The following DLG2 variants were observed in gnomAD, a reference collection of about 807,000 sequenced individuals.
The protein encoded by DLG2 is disks large homolog 2.
DLG2 carries 45 observed loss-of-function variants against 132.5 expected under a neutral mutation model. The ratio of observed to expected loss-of-function variants is 0.34; its 90% CI spans 0.27 to 0.44. The LOEUF is 0.44. Among genes scored for constraint, DLG2 ranks in the 20% least tolerant of loss-of-function variants. The pLI is 1.00. For missense variants in DLG2, 1,045 were observed against 1,196.9 expected (o/e 0.87, Z 1.87); for synonymous variants, 424 against 419.6 (o/e 1.01, Z -0.13).
intron 3 of DLG2, among the ~76,000 whole-genome samples, chr11:85,539,558 T>G (rs919269935): frequency 6.6e-6 from 1 of 152,152 alleles, no homozygotes; most frequent in Admixed American, 6.6e-5. Context: ...TATGGAAATA[T>G]TCTGGAGCTA....
intron 18 of DLG2, among the ~76,000 whole-genome samples, chr11:83,650,983 G>T (rs946131599): frequency 2.6e-5 from 4 of 152,120 alleles, no homozygotes; most frequent in Admixed American, 2.6e-4. Context: ...TCTTTTAAAT[G>T]AAATTAATCA....
chr11:84,653,147 C>G (rs535781982), intron 6 of DLG2, among the ~76,000 whole-genome samples: 13 of 152,166 alleles, frequency 8.5e-5, no homozygotes, highest in African/African-American at 3.1e-4. Flanking sequence ...CCAGACTGGT[C>G]TCCCACTCCT....
In DLG2 at chr11:83,974,638, AC is replaced by A. The variant is rs1488352759; in HGVS notation, c.1056+5867del. Among the ~76,000 whole-genome samples the A allele has an allele frequency of 2.3e-3, 3 of 1,322 alleles. No homozygotes were observed. In the East Asian group the frequency reaches 0.25, roughly 110 times the overall value. The allele number at this position is 1,322 out of a possible 152,430, so 0.9% of individuals were successfully genotyped here. A position where few individuals can be genotyped will look rare whatever the true frequency, so the allele number is the denominator to read the frequency against. ...CAGAATTTAGCAAACGTATTTGGTC[AC>A]AGAGTCTATTCACGTGACACAGAAA... On this transcript the variant is annotated intron_variant, in intron 12 of 27. Transcript: ENST00000376104.
At chr11:85,427,719 T>C (rs2090868965) in intron 3 of DLG2, among the ~76,000 whole-genome samples, 1 of 152,176 alleles carries the variant, frequency 6.6e-6, no homozygotes, top group Non-Finnish European at 1.5e-5. Flanking sequence ...CTGCATCAAC[T>C]AATGAGCAAA....
intron 3 of DLG2, among the ~76,000 whole-genome samples, chr11:85,483,930 T>G (rs2093359964): frequency 6.6e-6 from 1 of 151,444 alleles, no homozygotes; most frequent in Middle Eastern, 3.4e-3. Flanking sequence ...GCTACAATAC[T>G]TTATTAAGGT....
At chr11:84,325,133 T>A (rs2098424096) in intron 7 of DLG2, among the ~76,000 whole-genome samples, 1 of 152,228 alleles carries the variant, frequency 6.6e-6, no homozygotes, top group South Asian at 2.1e-4. Flanking sequence ...TTGAGTATGG[T>A]GTTTAGCTTA....
intron 7 of DLG2, among the ~76,000 whole-genome samples, chr11:84,350,629 T>C (rs2098560067): frequency 6.6e-6 from 1 of 152,216 alleles, no homozygotes; most frequent in African/African-American, 2.4e-5. Context: ...AGCATATAGT[T>C]ATACAGTTAG....
chr11:85,538,332 A>G (rs2075740177), intron 3 of DLG2, among the ~76,000 whole-genome samples: 1 of 151,848 alleles, frequency 6.6e-6, no homozygotes, highest in South Asian at 2.1e-4. Context: ...TTAAAAAGTC[A>G]AGAAACAACA....
intron 6 of DLG2, among the ~76,000 whole-genome samples, chr11:85,038,791 C>A (rs2154148146): frequency 6.6e-6 from 1 of 152,058 alleles, no homozygotes; most frequent in South Asian, 2.1e-4. Context: ...GTAGCATCTG[C>A]CTGGACAATG....
At chr11:84,917,047 T>A (rs952161780) in intron 6 of DLG2, among the ~76,000 whole-genome samples, 1 of 152,228 alleles carries the variant, frequency 6.6e-6, no homozygotes, top group Non-Finnish European at 1.5e-5. Flanking sequence ...GACTTAGCAC[T>A]TATCACTATG....
At chr11:84,417,868 C>A (rs1185911685) in intron 7 of DLG2, among the ~76,000 whole-genome samples, 1 of 152,118 alleles carries the variant, frequency 6.6e-6, no homozygotes, top group Non-Finnish European at 1.5e-5. Flanking sequence ...AACTGAACTT[C>A]TTTTTGTACA....
intron 6 of DLG2, among the ~76,000 whole-genome samples, chr11:84,996,479 T>C (rs1449461935): frequency 6.6e-6 from 1 of 152,194 alleles, no homozygotes; most frequent in Non-Finnish European, 1.5e-5. Context: ...CAGTGGTAAT[T>C]CAGTAATTAA....
Position 84,479,973 on chromosome 11 carries a change from A to G in DLG2, c.519+54597T>C, listed in dbSNP as rs564631260. Among the ~76,000 whole-genome samples the G allele has an allele frequency of 5.9e-5, 9 of 152,226 alleles. No homozygotes were observed. The East Asian group carries it at 1.7e-3, about 29-fold the overall frequency. ...TGTTAAAATGTATCCTCCTTTTCTC[A>G]TTCCTTTACTAGTATCTTAGAACTT... On this transcript the variant is annotated intron_variant, in intron 7 of 27. Coordinates refer to ENST00000376104, the MANE Select transcript of DLG2 (RefSeq NM_001142699.3).
Position 85,512,343 on chromosome 11 carries a change from T to C in DLG2, c.40+86314A>G, listed in dbSNP as rs2094091655. ...GGATAAGTACTTTAGTTGAAGTGAC[T>C]ATGCTGAAGTTAACTGTAGAGTGGA... is the stretch of plus-strand genomic sequence containing the variant. On this transcript the variant is annotated intron_variant, in intron 3 of 27. Transcript: ENST00000376104. Among the ~76,000 whole-genome samples the C allele has an allele frequency of 2.0e-5, 3 of 152,144 alleles. No homozygotes were observed. The South Asian group carries it at 6.2e-4, about 31-fold the overall frequency.
rs2095341327 is a variant in DLG2, at chr11:84,019,936, C to A, written c.920-39294G>T. ...TGTTTAAGCCACTTAATTTGTGGTA[C>A]TTTGTTATGGCAGCTGTAGCAAACT... On this transcript the variant is annotated intron_variant, in intron 11 of 27. Transcript: ENST00000376104. Among the ~76,000 whole-genome samples the A allele has an allele frequency of 2.6e-5, 4 of 152,110 alleles. No homozygotes were observed. In the South Asian group the frequency reaches 8.3e-4, roughly 32 times the overall value.
chr11:85,152,345 A>T (rs972127134), intron 5 of DLG2, among the ~76,000 whole-genome samples: 2 of 151,474 alleles, frequency 1.3e-5, no homozygotes, highest in Non-Finnish European at 2.9e-5. Context: ...GGTTCAAGTG[A>T]TTCTCCTGCC....
intron 6 of DLG2, among the ~76,000 whole-genome samples, chr11:85,101,059 A>G (rs2070768401): frequency 6.6e-6 from 1 of 152,166 alleles, no homozygotes; most frequent in South Asian, 2.1e-4. Context: ...ATGTCAGTCA[A>G]GATATAAGGT....
chr11:83,800,059 C>T lies in DLG2; in HGVS notation c.1723-13267G>A, dbSNP rs190233724. Among the ~76,000 whole-genome samples, 6 of 152,094 alleles carry T rather than the reference C, an allele frequency of 3.9e-5. No individual in the cohort carries two copies. The South Asian group carries it at 1.0e-3, about 26-fold the overall frequency. On this transcript the variant is annotated intron_variant, in intron 17 of 27. Transcript: ENST00000376104. ...ATATAATTATTAGCTATTGTTGAAC[C>T]CTCTCCTGACGTACACAAAGAGGAT...
At chr11:85,063,685 T>C (rs1349789447) in intron 6 of DLG2, among the ~76,000 whole-genome samples, 1 of 151,900 alleles carries the variant, frequency 6.6e-6, no homozygotes, top group African/African-American at 2.4e-5. Flanking sequence ...ATGAGTTTTT[T>C]TTCCCATTCT....
Sources: allele counts gnomAD v4.1 joint callset (sites outside exome capture counted in the v4.1 genomes callset), GRCh38; gene constraint gnomAD v4.1.1; transcripts MANE v1.5; gene names NCBI Gene and HGNC (gene_info 2026-07-23, HGNC 2026-07-21).